Variants in KCNMA1 observed in about 807,000 individuals in gnomAD.
The protein encoded by KCNMA1 is potassium calcium-activated channel subfamily M alpha 1.
KCNMA1 carries 29 observed loss-of-function variants against 140.0 expected under a neutral mutation model. That is an observed-to-expected ratio of 0.21 (90% CI 0.15 to 0.28). The LOEUF is 0.28. Ranked by LOEUF, KCNMA1 falls within the 10% of genes least tolerant of loss-of-function variation. The probability of loss-of-function intolerance (pLI) is 1.00; values close to 1 mark genes in which losing one functional copy is unlikely to be tolerated. For synonymous variants in KCNMA1, 612 were observed against 611.9 expected, an observed-to-expected ratio of 1.00 and a Z score of 0.00; for missense variants, 880 against 1,602.2, an observed-to-expected ratio of 0.55 and a Z score of 7.70.
chr10:77,306,463 A>G (rs1469844541), intron 2 of KCNMA1, among the ~76,000 whole-genome samples: 3 of 152,248 alleles, frequency 2.0e-5, no homozygotes, highest in Non-Finnish European at 4.4e-5. Flanking sequence ...CCACATGGGT[A>G]GAGCCCAGCT....
intron 2 of KCNMA1, among the ~76,000 whole-genome samples, chr10:77,358,243 G>A (rs1373993344): frequency 6.6e-6 from 1 of 152,054 alleles, no homozygotes; most frequent in East Asian, 1.9e-4. Flanking sequence ...GCCTTAGGTG[G>A]GGCTACACTA....
At chr10:77,115,693 G>A (rs543492554) in intron 6 of KCNMA1, among the ~76,000 whole-genome samples, 1 of 152,284 alleles carries the variant, frequency 6.6e-6, no homozygotes, top group Admixed American at 6.5e-5. Context: ...AACTCTAAAT[G>A]ATGGTTACAG....
chr10:77,085,222 G>T (rs2096664550), intron 11 of KCNMA1, among the ~76,000 whole-genome samples: 1 of 152,174 alleles, frequency 6.6e-6, no homozygotes, highest in Non-Finnish European at 1.5e-5. Context: ...GCTGGGAAGA[G>T]ATCAGAGCTC....
At chr10:77,293,328 C>T (rs1292408457) in intron 2 of KCNMA1, among the ~76,000 whole-genome samples, 4 of 152,144 alleles carry the variant, frequency 2.6e-5, no homozygotes, top group African/African-American at 9.7e-5. Context: ...GAGAGCTACC[C>T]CTCCTAATGA....
At chr10:77,361,663 A>T (rs2093958007) in intron 2 of KCNMA1, among the ~76,000 whole-genome samples, 2 of 152,228 alleles carry the variant, frequency 1.3e-5, no homozygotes, top group Non-Finnish European at 2.9e-5. Flanking sequence ...GTGCAGGAGC[A>T]AGAGGGGATC....
At chr10:77,007,563 A>G (rs1303496004) in intron 18 of KCNMA1, among the ~76,000 whole-genome samples, 2 of 151,162 alleles carry the variant, frequency 1.3e-5, no homozygotes, top group Non-Finnish European at 2.9e-5. Context: ...CACTCTATGG[A>G]ATATCTCTAC....
intron 23 of KCNMA1, among the ~76,000 whole-genome samples, chr10:76,916,839 T>C (rs1233543703): frequency 6.6e-6 from 1 of 152,178 alleles, no homozygotes; most frequent in Non-Finnish European, 1.5e-5. Context: ...CAGAGAAATA[T>C]AAAAGGGTTT....
At chr10:77,350,833 T>C (rs1286622907) in intron 2 of KCNMA1, 1 of 152,184 alleles carries the variant, frequency 6.6e-6, no homozygotes, top group Non-Finnish European at 1.5e-5. Flanking sequence ...TTATGAGGAC[T>C]TAGTGGGATG....
At chr10:77,345,328 G>A (rs952863921) in intron 2 of KCNMA1, among the ~76,000 whole-genome samples, 2 of 152,118 alleles carry the variant, frequency 1.3e-5, no homozygotes, top group Non-Finnish European at 2.9e-5. Flanking sequence ...TCCCAAGCCT[G>A]GTACTTAGAA....
intron 2 of KCNMA1, among the ~76,000 whole-genome samples, chr10:77,339,356 T>A (rs961456504): frequency 1.3e-5 from 2 of 152,150 alleles, no homozygotes; most frequent in Non-Finnish European, 2.9e-5. Flanking sequence ...CCTGTGCTCA[T>A]CTAATCTGCT....
At chr10:76,872,423 G>GAA, downstream of KCNMA1, 1 of 152,118 alleles carries the variant, frequency 6.6e-6, no homozygotes, top group Non-Finnish European at 1.5e-5. Flanking sequence ...CTTTCAACCT[G>GAA]AAAAATGCAC....
intron 19 of KCNMA1, among the ~76,000 whole-genome samples, chr10:77,000,890 A>C: frequency 8.2e-6 from 1 of 121,494 alleles, no homozygotes; most frequent in Non-Finnish European, 1.7e-5. Context: ...ATATATATAT[A>C]TATATATATA....
At chr10:77,257,776 G>A (rs1380867309) in intron 2 of KCNMA1, among the ~76,000 whole-genome samples, 1 of 152,154 alleles carries the variant, frequency 6.6e-6, no homozygotes, top group South Asian at 2.1e-4. Flanking sequence ...TTTATAAAGG[G>A]GAGTTTCCCT....
At chr10:77,427,633 G>A (rs1006556577) in intron 1 of KCNMA1, among the ~76,000 whole-genome samples, 1 of 152,144 alleles carries the variant, frequency 6.6e-6, no homozygotes, top group Non-Finnish European at 1.5e-5. Context: ...CTAGCACATA[G>A]GTAACACTCA....
Position 76,970,077 on chromosome 10 carries a change from C to T in KCNMA1, c.2267-10G>A, listed in dbSNP as rs202075749. The T allele has an allele frequency of 8.1e-6, 13 of 1,609,338 alleles. No homozygotes were observed. Among genetic ancestry groups the T allele is most frequent in the East Asian group, 6.7e-5 (3 of 44,824 alleles). On this transcript the variant is annotated splice_polypyrimidine_tract_variant and intron_variant, in intron 19 of 27. Transcript: ENST00000286628. ...GGCTGCTCATCTTCAACTGGAAATACAGGCAGCTCATGAGATTATGAACAG... is the reference window on the plus strand; with the variant it reads ...GGCTGCTCATCTTCAACTGGAAATATAGGCAGCTCATGAGATTATGAACAG...
At chr10:77,404,602 G>A (rs1183814499) in intron 1 of KCNMA1, among the ~76,000 whole-genome samples, 1 of 152,192 alleles carries the variant, frequency 6.6e-6, no homozygotes, top group African/African-American at 2.4e-5. Flanking sequence ...AACGCAATCT[G>A]TCTAAGATTA....
At chr10:77,234,898 T>A (rs2054861445) in intron 3 of KCNMA1, among the ~76,000 whole-genome samples, 1 of 152,208 alleles carries the variant, frequency 6.6e-6, no homozygotes, top group Admixed American at 6.5e-5. Context: ...TTCTTCCTGT[T>A]CAACTGAGAA....
At chr10:77,295,806 A>AC (rs2074895060) in intron 2 of KCNMA1, among the ~76,000 whole-genome samples, 1 of 145,640 alleles carries the variant, frequency 6.9e-6, no homozygotes, top group Admixed American at 7.0e-5. Context: ...AAAAAAAAAA[A>AC]AAAAAAAAAA....
At chr10:77,356,518 G>C (rs1033417292) in intron 2 of KCNMA1, among the ~76,000 whole-genome samples, 1 of 152,104 alleles carries the variant, frequency 6.6e-6, no homozygotes, top group Non-Finnish European at 1.5e-5. Flanking sequence ...ATTAGACACC[G>C]TGTGGCCTTT....
Sources: allele counts gnomAD v4.1 joint callset (sites outside exome capture counted in the v4.1 genomes callset), GRCh38; gene constraint gnomAD v4.1.1; transcripts MANE v1.5; gene names NCBI Gene and HGNC (gene_info 2026-07-23, HGNC 2026-07-21).